ZNF716: variants seen among roughly 807,000 people sequenced by gnomAD.
The protein encoded by ZNF716 is zinc finger protein 716.
In ZNF716, 9 loss-of-function variants were observed where a neutral mutation model predicts 13.4. The ratio of observed to expected loss-of-function variants is 0.67; its 90% confidence interval spans 0.41 to 1.18. ZNF716 has a LOEUF of 1.18. Ranked by LOEUF, ZNF716 falls within the 50% of genes most tolerant of loss-of-function variation. The pLI is 0.01. For synonymous variants in ZNF716, 186 were observed against 195.2 expected (o/e 0.95, Z 0.39); for missense variants, 581 against 576.6 (o/e 1.01, Z -0.08).
intron 1 of ZNF716, among the ~76,000 whole-genome samples, chr7:57,460,419 G>A (rs567367747): frequency 7.0e-6 from 1 of 141,996 alleles, no homozygotes; most frequent in African/African-American, 2.6e-5. Flanking sequence ...AAAAAAGGCA[G>A]CGTCCACTCT....
chr7:57,466,186 A>C (rs547170503), intron 3 of ZNF716, among the ~76,000 whole-genome samples: 1 of 129,932 alleles, frequency 7.7e-6, no homozygotes, highest in African/African-American at 2.7e-5. Flanking sequence ...AAAGTATAAT[A>C]ATAATAAATA....
intron 1 of ZNF716, among the ~76,000 whole-genome samples, chr7:57,450,947 G>A (rs1554321431): frequency 6.6e-6 from 1 of 152,120 alleles, no homozygotes; most frequent in Non-Finnish European, 1.5e-5. Context: ...GCTTGGTTAT[G>A]TCATCAGAGA....
In ZNF716 at chr7:57,468,799, G is replaced by T. The variant is rs1789858039; in HGVS notation, c.338G>T (p.Arg113Ile). Residue 113 changes from arginine (R) to isoleucine (I), a missense_variant, in exon 4 of 4, where the codon AGA becomes ATA. Arg to Ile is a moderately conservative substitution (Grantham distance 97). Transcript: ENST00000420713. ...GATTCACTCCAAAAAGTGATACTGAGAAGATATGGAAAATGTGGACAGGAG... is the reference window on the plus strand; with the variant it reads ...GATTCACTCCAAAAAGTGATACTGATAAGATATGGAAAATGTGGACAGGAG... ...IKDSLQKVIL[R>I]RYGKCGQEDL... 1.2e-6 allele frequency: 2 copies of T among 1,613,672 alleles called. No individual in the cohort carries two copies. The highest frequency in any genetic ancestry group is 4.5e-5 in the East Asian group (2 of 44,836).
chr7:57,468,681 G>A, intron 3 of ZNF716, 43 bp from the exon 4 acceptor site: 1 of 1,553,872 alleles, frequency 6.4e-7, no homozygotes, highest in South Asian at 1.2e-5. Flanking sequence ...ATATTTATCT[G>A]AGTGTAGTAA....
In ZNF716 at chr7:57,469,264, C is replaced by A; in HGVS notation, c.803C>A (p.Pro268His). The A allele has an allele frequency of 5.0e-6, 8 of 1,592,748 alleles. No individual in the cohort carries two copies. Among genetic ancestry groups the A allele is most frequent in the Non-Finnish European group, 6.8e-6 (8 of 1,168,178 alleles). Residue 268 changes from proline (P) to histidine (H), a missense_variant, in exon 4 of 4, where the codon CCT (proline) becomes CAT (histidine). Coordinates refer to ENST00000420713, the MANE Select transcript of ZNF716 (RefSeq NM_001159279.1). Reference sequence around the variant, plus strand: ...AAGAGAATTCATACTGGAGAGAAACCTTACACATGTGAAGAACGTGGCAAA... The same window carrying A: ...AAGAGAATTCATACTGGAGAGAAACATTACACATGTGAAGAACGTGGCAAA... ...KHKRIHTGEK[P>H]YTCEERGKVF...
At chr7:57,462,427 T>A (rs1554323275) in intron 1 of ZNF716, 33 bp from the exon 2 acceptor site, 1 of 1,603,430 alleles carries the variant, frequency 6.2e-7, no homozygotes, top group Non-Finnish European at 8.5e-7. Flanking sequence ...TGTTCATGAG[T>A]GTTTTTTTTG....
At chr7:57,451,849 C>A (rs1247739094) in intron 1 of ZNF716, among the ~76,000 whole-genome samples, 2 of 150,240 alleles carry the variant, frequency 1.3e-5, no homozygotes, top group Non-Finnish European at 3.0e-5. Flanking sequence ...TCACTACAAC[C>A]TCCACCTCCT....
intron 1 of ZNF716, among the ~76,000 whole-genome samples, chr7:57,460,078 G>T (rs1398085803): frequency 6.6e-6 from 1 of 152,088 alleles, no homozygotes; most frequent in African/African-American, 2.4e-5. Context: ...TCTCAGGTGA[G>T]CATGTCTCAG....
chr7:57,469,314 A>G lies in ZNF716; in HGVS notation c.853A>G (p.Asn285Asp). ...AGTCTTTAGCCGCTCAACACTTACT[A>G]ACTACAAGAGAATTCATACTGGAGA... is the stretch of plus-strand genomic sequence containing the variant. ...GKVFSRSTLTNYKRIHTGEKP... is the reference protein window; with the variant it reads ...GKVFSRSTLTDYKRIHTGEKP... Residue 285 changes from asparagine (N) to aspartate (D), a missense_variant, in exon 4 of 4, where the codon AAC becomes GAC. By Grantham distance (23) the Asn-to-Asp change is conservative (BLOSUM62 1). Coordinates refer to ENST00000420713, the MANE Select transcript of ZNF716 (RefSeq NM_001159279.1). The G allele has an allele frequency of 6.3e-7, 1 of 1,590,606 alleles. No individual in the cohort carries two copies. Among genetic ancestry groups the G allele is most frequent in the Non-Finnish European group, 8.6e-7 (1 of 1,166,178 alleles).
chr7:57,465,636 C>T (rs1190335047), intron 3 of ZNF716, among the ~76,000 whole-genome samples: 1 of 152,184 alleles, frequency 6.6e-6, no homozygotes, highest in African/African-American at 2.4e-5. Flanking sequence ...ACCTGTGAGC[C>T]ACTGCACCTG....
chr7:57,453,567 C>A (rs1283215315), intron 1 of ZNF716, among the ~76,000 whole-genome samples: 2 of 152,090 alleles, frequency 1.3e-5, no homozygotes, highest in African/African-American at 4.8e-5. Flanking sequence ...CACATTTGCC[C>A]TTTTCTTTCT....
rs1554324641 is a variant in ZNF716, at chr7:57,469,087, G to T, written c.626G>T (p.Arg209Met). The T allele has an allele frequency of 6.2e-7, 1 of 1,608,286 alleles. No individual in the cohort carries two copies. The highest frequency in any genetic ancestry group is 8.5e-7 in the Non-Finnish European group (1 of 1,176,812). The change falls in exon 4 of 4, where the codon AGG (arginine) becomes ATG (methionine). Residue 209 changes from arginine (R) to methionine (M), a missense_variant. Coordinates refer to ENST00000420713, the MANE Select transcript of ZNF716 (RefSeq NM_001159279.1). The part of the protein sequence containing the change: ...RLNQHQIIHT[R>M]EKSYKCEECG... Reference sequence around the variant, plus strand: ...AATCAACATCAGATAATTCATACTAGGGAGAAGTCTTACAAATGTGAAGAA... The same window carrying T: ...AATCAACATCAGATAATTCATACTATGGAGAAGTCTTACAAATGTGAAGAA...
rs1789969962 is a variant in ZNF716, at chr7:57,472,838, T to A, written c.*2889T>A. ...TAGGACAAATTTGTACTTTTTTACC[T>A]TATTTAATTTTTTTTTAATTTTTGT... On this transcript the variant is annotated 3_prime_UTR_variant, in exon 4 of 4. Coordinates refer to ENST00000420713, the MANE Select transcript of ZNF716 (RefSeq NM_001159279.1). 1 of 151,952 alleles carries A rather than the reference T, an allele frequency of 6.6e-6. No individual in the cohort carries two copies. Among genetic ancestry groups the A allele is most frequent in the Admixed American group, 6.6e-5 (1 of 15,258 alleles). 9.4% of individuals were successfully genotyped at this position (151,952 alleles called of 1,614,324 possible).
Position 57,469,116 on chromosome 7 carries a change from G to A in ZNF716, c.655G>A (p.Gly219Ser). The A allele has an allele frequency of 6.2e-7, 1 of 1,608,894 alleles. No individual in the cohort carries two copies. The highest frequency in any genetic ancestry group is 8.5e-7 in the Non-Finnish European group (1 of 1,177,166). The change falls in exon 4 of 4, where the codon GGC (glycine) becomes AGC (serine). Residue 219 changes from glycine (G) to serine (S), a missense_variant. By Grantham distance (56) the Gly-to-Ser change is moderately conservative. Coordinates refer to ENST00000420713, the MANE Select transcript of ZNF716 (RefSeq NM_001159279.1). Reference protein sequence around the residue: ...REKSYKCEECGKSFNCSSTLT... With the variant: ...REKSYKCEECSKSFNCSSTLT... ...GAAGTCTTACAAATGTGAAGAATGT[G>A]GCAAATCCTTTAACTGCTCTTCAAC...
At chr7:57,466,583 A>G (rs561173581) in intron 3 of ZNF716, among the ~76,000 whole-genome samples, 6 of 152,128 alleles carry the variant, frequency 3.9e-5, no homozygotes, top group Admixed American at 3.3e-4. Context: ...GCCTTCCACT[A>G]TAATTGTAAG....
At chr7:57,460,715 G>A (rs1245753694) in intron 1 of ZNF716, among the ~76,000 whole-genome samples, 1 of 151,982 alleles carries the variant, frequency 6.6e-6, no homozygotes, top group Non-Finnish European at 1.5e-5. Flanking sequence ...ATTTCTTTGG[G>A]GAAACACAGT....
At chr7:57,451,026 AT>A (rs35781963) in intron 1 of ZNF716, among the ~76,000 whole-genome samples, 67,576 of 146,878 alleles carry the variant, frequency 0.46, 15,461 homozygotes, top group East Asian at 0.66. Context: ...CAAGAAATGC[AT>A]TTTTTTTTTT....
chr7:57,465,466 C>T (rs782620662), intron 3 of ZNF716, among the ~76,000 whole-genome samples: 1 of 152,070 alleles, frequency 6.6e-6, no homozygotes, highest in Non-Finnish European at 1.5e-5. Flanking sequence ...AATCATTCCA[C>T]CTTGGCCTCC....
intron 3 of ZNF716, among the ~76,000 whole-genome samples, chr7:57,467,230 CTTA>C (rs1387952093): frequency 6.6e-6 from 1 of 151,924 alleles, no homozygotes; most frequent in African/African-American, 2.4e-5. Flanking sequence ...TATTTTTATG[CTTA>C]TATCTTTCAA....
Sources: gnomAD v4.1 joint callset for allele counts (sites outside exome capture counted in the v4.1 genomes callset) on GRCh38, gnomAD v4.1.1 for gene constraint, MANE v1.5 for transcripts, NCBI Gene and HGNC (gene_info 2026-07-23, HGNC 2026-07-21) for gene names.